Variants in NXPE2 observed in about 807,000 individuals in gnomAD.
NXPE2 encodes neurexophilin and PC-esterase domain family member 2.
In NXPE2, 34 loss-of-function variants were observed where a neutral mutation model predicts 34.4. The ratio of observed to expected loss-of-function variants is 0.99; its 90% CI spans 0.75 to 1.31. The LOEUF (loss-of-function observed/expected upper bound fraction) is 1.31. Among genes scored for constraint, NXPE2 ranks in the 40% most tolerant of loss-of-function variants. The pLI, the probability that NXPE2 is intolerant of heterozygous loss-of-function variation, is 0.00. For synonymous variants in NXPE2, 235 were observed against 231.3 expected (o/e 1.02, Z -0.15); for missense variants, 649 against 672.5 (o/e 0.97, Z 0.39).
chr11:114,554,488 A>ATTTT, the NXPE2 span: 1 of 582,626 alleles, frequency 1.7e-6, no homozygotes, highest in Non-Finnish European at 2.2e-6. Context: ...CATAAAATAA[A>ATTTT]ATGTATAGAA....
chr11:114,605,050 G>A, the NXPE2 span, among the ~76,000 whole-genome samples: 44 of 151,836 alleles, frequency 2.9e-4, no homozygotes, highest in East Asian at 6.2e-3. Flanking sequence ...GTACTGCCTC[G>A]TGGGTAACCA....
At chr11:114,778,187 C>T in the NXPE2 span, among the ~76,000 whole-genome samples, 1 of 152,086 alleles carries the variant, frequency 6.6e-6, no homozygotes, top group Non-Finnish European at 1.5e-5. Context: ...GGAGTGATTT[C>T]AGCTGAGATC....
intron 2 of NXPE2, among the ~76,000 whole-genome samples, chr11:114,693,444 A>G (rs1951189885): frequency 6.6e-6 from 1 of 152,194 alleles, no homozygotes; most frequent in South Asian, 2.1e-4. Flanking sequence ...GAATTTAATT[A>G]TGGACCGGAC....
the NXPE2 span, among the ~76,000 whole-genome samples, chr11:114,637,295 T>C: frequency 4.6e-5 from 7 of 151,780 alleles, no homozygotes; most frequent in Admixed American, 1.3e-4. Flanking sequence ...TCCCTGCATT[T>C]TTTTGTTTTC....
the NXPE2 span, among the ~76,000 whole-genome samples, chr11:114,620,266 ACGGTTACC>A: frequency 6.6e-6 from 1 of 152,030 alleles, no homozygotes; most frequent in Admixed American, 6.6e-5. Context: ...GTGGGTAACT[ACGGTTACC>A]CGGTGGATAA....
the NXPE2 span, among the ~76,000 whole-genome samples, chr11:114,483,446 A>G: frequency 2.0e-5 from 3 of 152,196 alleles, no homozygotes; most frequent in African/African-American, 7.2e-5. Flanking sequence ...TCTTTTATCC[A>G]AGGATAATGA....
At chr11:114,750,600 A>G in the NXPE2 span, among the ~76,000 whole-genome samples, 21 of 152,276 alleles carry the variant, frequency 1.4e-4, no homozygotes, top group African/African-American at 4.1e-4. Flanking sequence ...CTTATTTCTT[A>G]TAGTATCTAG....
At chr11:114,667,315 A>C in the NXPE2 span, among the ~76,000 whole-genome samples, 7 of 152,298 alleles carry the variant, frequency 4.6e-5, no homozygotes, top group Admixed American at 4.6e-4. Context: ...AATAAACATA[A>C]TTATATTTAA....
the NXPE2 span, among the ~76,000 whole-genome samples, chr11:114,491,772 A>G: frequency 2.0e-5 from 3 of 152,206 alleles, no homozygotes; most frequent in African/African-American, 7.2e-5. Context: ...ATGTCCAACA[A>G]TGATAGACTG....
chr11:114,805,940 C>T, the NXPE2 span, among the ~76,000 whole-genome samples: 20 of 152,314 alleles, frequency 1.3e-4, no homozygotes, highest in African/African-American at 4.6e-4. Flanking sequence ...CTGGGAGGCA[C>T]CCCTCAGTAG....
chr11:114,721,132 T>C, the NXPE2 span, among the ~76,000 whole-genome samples: 1 of 152,130 alleles, frequency 6.6e-6, no homozygotes, highest in Non-Finnish European at 1.5e-5. Flanking sequence ...ATGACCCCTC[T>C]GAGGACCATC....
Position 114,688,001 on chromosome 11 carries a change from T to C in NXPE2, c.132+8239T>C, listed in dbSNP as rs183812228. Among the ~76,000 whole-genome samples, 148 of 152,190 alleles carry C rather than the reference T, an allele frequency of 9.7e-4. 1 individual carries two copies. Among genetic ancestry groups the C allele is most frequent in the Admixed American group, 3.7e-3 (57 of 15,284 alleles). On this transcript the variant is annotated intron_variant, in intron 2 of 5. Coordinates refer to ENST00000389586, the MANE Select transcript of NXPE2 (RefSeq NM_182495.6). ...TCTAGGAGTCTTTTGGCATTACCTT[T>C]AAGGTTTTCTAGGTATAGAATAATA... is the stretch of plus-strand genomic sequence containing the variant.
At chr11:114,591,865 G>A in the NXPE2 span, among the ~76,000 whole-genome samples, 1 of 151,904 alleles carries the variant, frequency 6.6e-6, no homozygotes, top group Non-Finnish European at 1.5e-5. Flanking sequence ...TATTGACCAG[G>A]GTATATTATG....
chr11:114,571,204 CT>C, the NXPE2 span: 1 of 1,613,980 alleles, frequency 6.2e-7, no homozygotes, highest in African/African-American at 1.3e-5. Context: ...TGCTGAATGG[CT>C]TTGTGGACAT....
chr11:114,716,584 A>G, the NXPE2 span, among the ~76,000 whole-genome samples: 2 of 152,190 alleles, frequency 1.3e-5, no homozygotes, highest in African/African-American at 2.4e-5. Context: ...ATATTTGGTC[A>G]GTGTATATGG....
chr11:114,537,082 G>A, the NXPE2 span, among the ~76,000 whole-genome samples: 2,085 of 152,168 alleles, frequency 0.014, 50 homozygotes, highest in African/African-American at 0.048. Flanking sequence ...CTTATCCACC[G>A]TGATCAAATG....
At chr11:114,761,117 T>C in the NXPE2 span, among the ~76,000 whole-genome samples, 1 of 152,232 alleles carries the variant, frequency 6.6e-6, no homozygotes, top group South Asian at 2.1e-4. Flanking sequence ...TGAAATGGAA[T>C]GCATTTCTGC....
chr11:114,633,596 A>T, the NXPE2 span, among the ~76,000 whole-genome samples: 45 of 151,492 alleles, frequency 3.0e-4, 1 homozygote, highest in African/African-American at 1.0e-3. Context: ...TATATCTCAT[A>T]ATGCTATCCC....
chr11:114,700,085 C>A (rs184165290), intron 3 of NXPE2, among the ~76,000 whole-genome samples: 2 of 152,184 alleles, frequency 1.3e-5, no homozygotes, highest in African/African-American at 2.4e-5. Context: ...TGAGCCATCA[C>A]GCCCAGCCCA....
Sources: allele counts gnomAD v4.1 joint callset (sites outside exome capture counted in the v4.1 genomes callset), GRCh38; gene constraint gnomAD v4.1.1; transcripts MANE v1.5; gene names NCBI Gene and HGNC (gene_info 2026-07-23, HGNC 2026-07-21).